RARB: variants seen among roughly 807,000 people sequenced by gnomAD.
The protein encoded by RARB is retinoic acid receptor beta, also known as HBV-activated protein.
Under a neutral mutation model 51.9 loss-of-function variants are expected in RARB, and 17 were observed. That is an observed-to-expected ratio of 0.33 (90% CI 0.22 to 0.49). The LOEUF (loss-of-function observed/expected upper bound fraction) is 0.49. Ranked by LOEUF, RARB falls within the 20% of genes least tolerant of loss-of-function variation. RARB has a pLI of 0.99. For synonymous variants in RARB, 215 were observed against 195.4 expected (o/e 1.10, Z -0.84); for missense variants, 369 against 550.8 (o/e 0.67, Z 3.30).
intron 5 of RARB, among the ~76,000 whole-genome samples, chr3:25,365,464 A>C (rs982724960): frequency 1.3e-5 from 2 of 152,022 alleles, no homozygotes; most frequent in Non-Finnish European, 2.9e-5. Flanking sequence ...TCTATGTTCC[A>C]GTTACAATTG....
chr3:25,238,971 T>G (rs1702367847), intron 5 of RARB, among the ~76,000 whole-genome samples: 1 of 125,404 alleles, frequency 8.0e-6, no homozygotes, highest in African/African-American at 4.4e-5. Flanking sequence ...AGAGCAAGAC[T>G]GTGTCTCAAA....
At chr3:25,386,639 A>G (rs1706803292) in intron 5 of RARB, among the ~76,000 whole-genome samples, 1 of 152,156 alleles carries the variant, frequency 6.6e-6, no homozygotes, top group South Asian at 2.1e-4. Context: ...GTTGAATTAA[A>G]ATGGGAGAAT....
rs189186449 is a variant in RARB at position 25,245,646 on chromosome 3, C to G, written c.178+71071C>G. Among the ~76,000 whole-genome samples, 417 of 152,252 alleles carry G rather than the reference C, an allele frequency of 2.7e-3. 3 individuals are homozygous for G. The highest frequency in any genetic ancestry group is 9.7e-3 in the African/African-American group (402 of 41,542). ...AATATTGGCCCCCACTCTCTTCTTG[C>G]TTGTAGGGTTTCTGAAGAGAGATCT... On this transcript the variant is annotated intron_variant, in intron 5 of 11. Transcript: ENST00000383772.
chr3:25,102,547 A>T (rs1257515226), intron 3 of RARB, among the ~76,000 whole-genome samples: 1 of 152,180 alleles, frequency 6.6e-6, no homozygotes, highest in Non-Finnish European at 1.5e-5. Context: ...CTCAAAAAAA[A>T]ATGAAAATAG....
intron 2 of RARB, among the ~76,000 whole-genome samples, chr3:24,964,483 A>G (rs1382842436): frequency 6.6e-6 from 1 of 151,748 alleles, no homozygotes; most frequent in African/African-American, 2.4e-5. Flanking sequence ...TCAACCCACC[A>G]CTCTCCATTT....
At chr3:25,146,528 A>G (rs1214190610) in intron 4 of RARB, among the ~76,000 whole-genome samples, 3 of 108,550 alleles carry the variant, frequency 2.8e-5, no homozygotes, top group Admixed American at 1.0e-4. Context: ...TTTTTTTGAG[A>G]CAAGAGTCTC....
At chr3:25,574,733 C>T (rs749640169) in intron 4 of RARB, among the ~76,000 whole-genome samples, 6 of 152,162 alleles carry the variant, frequency 3.9e-5, no homozygotes, top group East Asian at 1.9e-4. Flanking sequence ...TTATTAACCA[C>T]GAAAGACTTT....
At chr3:24,891,045 G>T (rs1280156677) in intron 2 of RARB, among the ~76,000 whole-genome samples, 1 of 152,190 alleles carries the variant, frequency 6.6e-6, no homozygotes, top group African/African-American at 2.4e-5. Flanking sequence ...CATACATGTG[G>T]AAAAGCTCAG....
chr3:24,880,623 C>T (rs1300000731), intron 2 of RARB, among the ~76,000 whole-genome samples: 1 of 152,052 alleles, frequency 6.6e-6, no homozygotes, highest in Non-Finnish European at 1.5e-5. Flanking sequence ...CTAGAAGGGA[C>T]TTCATGAGGT....
intron 2 of RARB, among the ~76,000 whole-genome samples, chr3:24,898,123 G>A (rs529875782): frequency 1.3e-4 from 20 of 152,106 alleles, no homozygotes; most frequent in Admixed American, 3.3e-4. Flanking sequence ...AGTCAAGCCC[G>A]GAGTTTGAGT....
chr3:25,088,108 A>G (rs577171001), intron 3 of RARB, among the ~76,000 whole-genome samples: 22 of 152,120 alleles, frequency 1.4e-4, no homozygotes, highest in Admixed American at 5.2e-4. Flanking sequence ...GCAATTTCAC[A>G]GTAGGGATCT....
chr3:24,982,950 T>C (rs933860451), intron 2 of RARB, among the ~76,000 whole-genome samples: 6 of 152,236 alleles, frequency 3.9e-5, no homozygotes, highest in Admixed American at 3.3e-4. Flanking sequence ...AGAATTCTTT[T>C]TGAAACTATT....
intron 2 of RARB, among the ~76,000 whole-genome samples, chr3:24,927,511 T>G (rs1305737053): frequency 6.6e-6 from 1 of 152,138 alleles, no homozygotes; most frequent in African/African-American, 2.4e-5. Context: ...ATGTGACATC[T>G]GCTTAATTAT....
chr3:25,358,564 G>A (rs1159659458), intron 5 of RARB, among the ~76,000 whole-genome samples: 2 of 152,064 alleles, frequency 1.3e-5, no homozygotes, highest in African/African-American at 4.8e-5. Context: ...GTGCTGGTTT[G>A]CAAAGGGAAT....
chr3:25,391,804 G>A (rs1476786775), intron 5 of RARB, among the ~76,000 whole-genome samples: 2 of 152,012 alleles, frequency 1.3e-5, no homozygotes, highest in Non-Finnish European at 2.9e-5. Flanking sequence ...TTTGTTGGAT[G>A]GATAGATGAT....
upstream of RARB, among the ~76,000 whole-genome samples, chr3:25,425,906 G>T (rs1707975134): frequency 6.6e-6 from 1 of 152,162 alleles, no homozygotes; most frequent in Non-Finnish European, 1.5e-5. Context: ...GCCTCCCCTG[G>T]ATAACAGATC....
intron 2 of RARB, among the ~76,000 whole-genome samples, chr3:25,042,006 G>C (rs539790978): frequency 6.6e-6 from 1 of 152,082 alleles, no homozygotes; most frequent in Non-Finnish European, 1.5e-5. Flanking sequence ...AATGAGAGAA[G>C]GTCCCCTGGC....
intron 5 of RARB, among the ~76,000 whole-genome samples, chr3:25,391,560 AT>A (rs1553610437): frequency 1.3e-5 from 2 of 151,942 alleles, no homozygotes. Flanking sequence ...AGCATCTACT[AT>A]TTTTATGTTT....
At chr3:25,461,555 C>T (rs1695182740) in intron 2 of RARB, among the ~76,000 whole-genome samples, 1 of 152,172 alleles carries the variant, frequency 6.6e-6, no homozygotes, top group South Asian at 2.1e-4. Context: ...GTCAAAGGTT[C>T]TAAGGCCCTT....
Sources: allele counts gnomAD v4.1 joint callset (sites outside exome capture counted in the v4.1 genomes callset), GRCh38; gene constraint gnomAD v4.1.1; transcripts MANE v1.5; gene names NCBI Gene and HGNC (gene_info 2026-07-23, HGNC 2026-07-21).